Variants in SENP6 observed in about 807,000 individuals in gnomAD.
SENP6 encodes sentrin-specific protease 6.
SENP6 carries 41 observed loss-of-function variants against 134.5 expected under a neutral mutation model. The ratio of observed to expected loss-of-function variants is 0.30; its 90% CI spans 0.24 to 0.40. The LOEUF (loss-of-function observed/expected upper bound fraction) is 0.40, where lower values mean the gene tolerates loss of function less well. SENP6 is among the 10% of genes least tolerant of loss of function. SENP6 has a pLI of 1.00. For missense variants in SENP6, 1,248 were observed against 1,312.5 expected, an observed-to-expected ratio of 0.95 and a Z score of 0.76; for synonymous variants, 395 against 429.8, an observed-to-expected ratio of 0.92 and a Z score of 1.00.
At chr6:75,662,852 A>G (rs759449477) in intron 8 of SENP6, among the ~76,000 whole-genome samples, 1 of 152,172 alleles carries the variant, frequency 6.6e-6, no homozygotes, top group Admixed American at 6.5e-5. Flanking sequence ...TATAGATACT[A>G]AAGTAATGGA....
intron 6 of SENP6, chr6:75,647,375 C>A: frequency 5.9e-6 from 1 of 168,272 alleles, no homozygotes. Flanking sequence ...AACAAACATA[C>A]TTTATAGCCC....
chr6:75,693,586 C>T (rs1483862078), intron 16 of SENP6, among the ~76,000 whole-genome samples: 1 of 152,132 alleles, frequency 6.6e-6, no homozygotes, highest in Non-Finnish European at 1.5e-5. Context: ...TGATCTGACT[C>T]ACTGTCTTGT....
intron 7 of SENP6, among the ~76,000 whole-genome samples, chr6:75,651,153 A>G (rs1281053150): frequency 6.6e-6 from 1 of 152,136 alleles, no homozygotes; most frequent in African/African-American, 2.4e-5. Context: ...AACAACCGTT[A>G]AGATCTCATT....
chr6:75,624,028 T>G (rs993682773), intron 3 of SENP6, 68 bp downstream of exon 3: 44 of 1,269,004 alleles, frequency 3.5e-5, no homozygotes, highest in Middle Eastern at 2.6e-4. Flanking sequence ...TCAAAAGATT[T>G]AATATTTTTA....
At chr6:75,636,903 T>G (rs1402928393) in intron 5 of SENP6, among the ~76,000 whole-genome samples, 1 of 150,492 alleles carries the variant, frequency 6.6e-6, no homozygotes, top group Non-Finnish European at 1.5e-5. Flanking sequence ...ATTATAGAGA[T>G]AGGGTTTTGC....
At chr6:75,625,911 G>T (rs1768653563) in intron 3 of SENP6, among the ~76,000 whole-genome samples, 1 of 152,100 alleles carries the variant, frequency 6.6e-6, no homozygotes, top group African/African-American at 2.4e-5. Flanking sequence ...TATTTGCTTT[G>T]TCTTATTAGA....
chr6:75,646,251 C>T (rs1287510198), intron 6 of SENP6, among the ~76,000 whole-genome samples: 2 of 152,142 alleles, frequency 1.3e-5, no homozygotes, highest in African/African-American at 2.4e-5. Flanking sequence ...CAGGCAAATT[C>T]TCATTTTCAT....
At chr6:75,668,076 G>A (rs1772384556) in intron 10 of SENP6, among the ~76,000 whole-genome samples, 3 of 151,962 alleles carry the variant, frequency 2.0e-5, no homozygotes. Flanking sequence ...ATTAAGATGG[G>A]AACCTTAAAA....
chr6:75,676,996 G>GT (rs35745959), intron 13 of SENP6, 34 bp from the exon 14 acceptor site: 455 of 986,804 alleles, frequency 4.6e-4, no homozygotes, highest in Middle Eastern at 9.3e-4. Context: ...CTTCTTTTGT[G>GT]TTTTTTTTTG....
At chr6:75,626,881 T>G (rs1768735386) in intron 3 of SENP6, among the ~76,000 whole-genome samples, 1 of 152,202 alleles carries the variant, frequency 6.6e-6, no homozygotes, top group East Asian at 1.9e-4. Context: ...AAACAACTTT[T>G]AACATTTACT....
chr6:75,613,115 A>T (rs986403490), intron 1 of SENP6, among the ~76,000 whole-genome samples: 1 of 70,466 alleles, frequency 1.4e-5, no homozygotes, highest in East Asian at 3.8e-4. Context: ...TTCTGTCTTT[A>T]AAAAAAAAAA....
chr6:75,613,094 A>G (rs1767584735), intron 1 of SENP6, among the ~76,000 whole-genome samples: 1 of 151,256 alleles, frequency 6.6e-6, no homozygotes, highest in Non-Finnish European at 1.5e-5. Flanking sequence ...AGCCTGCGTG[A>G]CAGAGTGAGA....
chr6:75,673,129 T>C (rs1023353549), intron 11 of SENP6, among the ~76,000 whole-genome samples: 1 of 151,816 alleles, frequency 6.6e-6, no homozygotes. Flanking sequence ...ACCCGGCCAA[T>C]TGGCATTATT....
rs140283610 is a variant in SENP6, at chr6:75,632,122, C to T, written c.208-1459C>T. ...TAAGCTGTCCTTTCATGTTTTATGC[C>T]CTGGTGCATTTTTATGAATTAGTAT... On this transcript the variant is annotated intron_variant, in intron 3 of 23. Transcript: ENST00000447266. Among the ~76,000 whole-genome samples the T allele has an allele frequency of 5.1e-3, 781 of 152,250 alleles. 7 individuals are homozygous for T. Among genetic ancestry groups the T allele is most frequent in the African/African-American group, 0.018 (755 of 41,544 alleles).
chr6:75,622,361 CA>C (rs1276059440), intron 2 of SENP6, among the ~76,000 whole-genome samples: 1 of 152,132 alleles, frequency 6.6e-6, no homozygotes, highest in Non-Finnish European at 1.5e-5. Flanking sequence ...AGTTCAAGAT[CA>C]GCTTGGCCAA....
chr6:75,614,432 A>T (rs1014503237), intron 1 of SENP6, among the ~76,000 whole-genome samples: 1 of 151,486 alleles, frequency 6.6e-6, no homozygotes, highest in African/African-American at 2.4e-5. Context: ...CGCCAGGCAA[A>T]TTTTTTTGTA....
At chr6:75,674,306 G>C (rs1481535456) in intron 11 of SENP6, among the ~76,000 whole-genome samples, 1 of 151,788 alleles carries the variant, frequency 6.6e-6, no homozygotes. Context: ...ATAGGTACAT[G>C]CCATCTATAC....
intron 1 of SENP6, among the ~76,000 whole-genome samples, chr6:75,619,008 C>T (rs1582679339): frequency 7.9e-6 from 1 of 126,702 alleles, no homozygotes; most frequent in Admixed American, 9.1e-5. Context: ...TTGTGTTAGT[C>T]ACTTTCAGGC....
At chr6:75,637,921 C>T (rs1255270301) in intron 5 of SENP6, among the ~76,000 whole-genome samples, 9 of 152,180 alleles carry the variant, frequency 5.9e-5, no homozygotes, top group Middle Eastern at 3.4e-3. Context: ...AGTGCAGTGG[C>T]GTGATCTCCA....
Sources: allele counts gnomAD v4.1 joint callset (sites outside exome capture counted in the v4.1 genomes callset), GRCh38; gene constraint gnomAD v4.1.1; transcripts MANE v1.5; gene names NCBI Gene and HGNC (gene_info 2026-07-23, HGNC 2026-07-21).